Variants in CNTN5 observed in about 807,000 individuals in gnomAD.
The protein encoded by CNTN5 is contactin-5.
Under a neutral mutation model 129.1 loss-of-function variants are expected in CNTN5, and 77 were observed. The observed-to-expected ratio is 0.60, with a 90% CI of 0.50 to 0.72. CNTN5 has a LOEUF of 0.72. Among genes scored for constraint, CNTN5 ranks in the 30% least tolerant of loss-of-function variants. CNTN5 has a pLI of 0.00. For missense variants in CNTN5, 1,478 were observed against 1,328.8 expected (o/e 1.11, Z -1.75); for synonymous variants, 509 against 465.6 (o/e 1.09, Z -1.20).
chr11:99,374,558 C>T (rs925632639), intron 2 of CNTN5, among the ~76,000 whole-genome samples: 7 of 152,134 alleles, frequency 4.6e-5, no homozygotes, highest in African/African-American at 1.4e-4. Flanking sequence ...GTGGCAGGTG[C>T]CTGTAGTCCC....
Position 99,830,416 on chromosome 11 carries a change from A to G in CNTN5, c.277+10651A>G, listed in dbSNP as rs558875374. The stretch of plus-strand genomic sequence containing the variant: ...TACTTTTGGCTAAATTTTATCATGA[A>G]CATGATTTATTAACAGATTTGACTT... On this transcript the variant is annotated intron_variant, in intron 4 of 24. Transcript: ENST00000524871. 3.4e-3 allele frequency among the ~76,000 whole-genome samples: 516 copies of G among 152,244 alleles called. 2 individuals are homozygous for G. Among genetic ancestry groups the G allele is most frequent in the Non-Finnish European group, 6.2e-3 (421 of 68,008 alleles).
chr11:99,617,734 A>G (rs1950805415), intron 3 of CNTN5, among the ~76,000 whole-genome samples: 1 of 152,178 alleles, frequency 6.6e-6, no homozygotes, highest in Non-Finnish European at 1.5e-5. Flanking sequence ...AGACAAACCA[A>G]AAGGAAGTAT....
chr11:100,265,745 G>A (rs988912840), intron 17 of CNTN5, among the ~76,000 whole-genome samples: 2 of 152,060 alleles, frequency 1.3e-5, no homozygotes, highest in Admixed American at 6.6e-5. Context: ...ACCGCCTCCT[G>A]CAAATGAGAC....
At chr11:99,967,551 A>C (rs575260119) in intron 8 of CNTN5, among the ~76,000 whole-genome samples, 1 of 152,136 alleles carries the variant, frequency 6.6e-6, no homozygotes, top group Non-Finnish European at 1.5e-5. Context: ...CAAGCTCACT[A>C]TTATTGCACT....
In CNTN5 at chr11:99,422,516, TTTTATATATATATATATATATATATATA is replaced by T. The variant is rs1306756079; in HGVS notation, c.-71+97034_-71+97061del. 2.3e-3 allele frequency among the ~76,000 whole-genome samples: 234 copies of T among 100,418 alleles called. 3 individuals carry two copies. Among genetic ancestry groups the T allele is most frequent in the South Asian group, 7.2e-3 (22 of 3,048 alleles). The allele number at this position is 100,418 out of a possible 152,430, so 65.9% of individuals were successfully genotyped here. A position where few individuals can be genotyped will look rare whatever the true frequency, so the allele number is the denominator to read the frequency against. Reference sequence around the variant, plus strand: ...AAAAGCGATTCATGTTACTTTATATTTTTATATATATATATATATATATATATATATATATATATATATATCTGTATTT... The same window carrying T: ...AAAAGCGATTCATGTTACTTTATATTTATATATATATATATATCTGTATTT... On this transcript the variant is annotated intron_variant, in intron 2 of 24. Transcript: ENST00000524871.
Position 100,098,420 on chromosome 11 carries a change from C to A in CNTN5, c.1580+24126C>A, listed in dbSNP as rs115486877. Among the ~76,000 whole-genome samples the A allele has an allele frequency of 1.4e-3, 208 of 151,914 alleles. 2 individuals are homozygous for A. Among genetic ancestry groups the A allele is most frequent in the African/African-American group, 4.9e-3 (202 of 41,438 alleles). On this transcript the variant is annotated intron_variant, in intron 13 of 24. Transcript: ENST00000524871. The stretch of plus-strand genomic sequence containing the variant: ...TATGATAATTTCAATAATAAGAAAG[C>A]CCTCTTTTGACTAGGATTTTCTTAT...
intron 1 of CNTN5, among the ~76,000 whole-genome samples, chr11:99,204,363 T>C (rs1859365934): frequency 6.6e-6 from 1 of 152,186 alleles, no homozygotes; most frequent in South Asian, 2.1e-4. Context: ...TGATACTGTT[T>C]TTTGCATACG....
chr11:100,204,294 ACT>A (rs1948858008), intron 15 of CNTN5, among the ~76,000 whole-genome samples: 1 of 84,646 alleles, frequency 1.2e-5, no homozygotes, highest in Non-Finnish European at 2.4e-5. Flanking sequence ...ACAAACATTG[ACT>A]AATATATATA....
intron 2 of CNTN5, among the ~76,000 whole-genome samples, chr11:99,495,732 G>A (rs1463654018): frequency 2.6e-5 from 4 of 152,118 alleles, no homozygotes; most frequent in African/African-American, 4.8e-5. Flanking sequence ...AATAAATTAC[G>A]GAAGGGGGAG....
chr11:99,325,934 G>A (rs1247664488), intron 2 of CNTN5, among the ~76,000 whole-genome samples: 3 of 152,158 alleles, frequency 2.0e-5, no homozygotes, highest in South Asian at 4.1e-4. Flanking sequence ...AGTTAAATAA[G>A]CAGGAAGTCA....
intron 9 of CNTN5, among the ~76,000 whole-genome samples, chr11:100,043,697 G>A (rs1942495766): frequency 6.6e-6 from 1 of 151,982 alleles, no homozygotes; most frequent in Non-Finnish European, 1.5e-5. Flanking sequence ...TGCAAAAATT[G>A]CCTTCATCCT....
chr11:100,309,990 C>T (rs1951439017), intron 21 of CNTN5, among the ~76,000 whole-genome samples: 1 of 151,882 alleles, frequency 6.6e-6, no homozygotes, highest in Non-Finnish European at 1.5e-5. Flanking sequence ...GTTTATGATA[C>T]AGAGCCTTGC....
chr11:100,277,895 G>T (rs1313502976), intron 18 of CNTN5, among the ~76,000 whole-genome samples: 1 of 152,042 alleles, frequency 6.6e-6, no homozygotes, highest in Non-Finnish European at 1.5e-5. Flanking sequence ...CTACTCCGTT[G>T]TCTTGCACAG....
intron 1 of CNTN5, among the ~76,000 whole-genome samples, chr11:99,276,976 A>G (rs1270571844): frequency 6.6e-6 from 1 of 151,650 alleles, no homozygotes; most frequent in Non-Finnish European, 1.5e-5. Context: ...ATGTGATATA[A>G]ACTTTAAAAA....
At chr11:100,237,368 A>G (rs564347324) in intron 16 of CNTN5, among the ~76,000 whole-genome samples, 1 of 152,162 alleles carries the variant, frequency 6.6e-6, no homozygotes, top group Non-Finnish European at 1.5e-5. Flanking sequence ...CAAAATACTA[A>G]ATTCTTAATT....
intron 3 of CNTN5, among the ~76,000 whole-genome samples, chr11:99,805,894 G>C (rs942478764): frequency 6.6e-5 from 10 of 152,184 alleles, no homozygotes; most frequent in African/African-American, 1.7e-4. Context: ...ATTAAAAATT[G>C]TAACCACAGT....
At chr11:100,156,696 A>T (rs1383410252) in intron 13 of CNTN5, among the ~76,000 whole-genome samples, 2 of 151,986 alleles carry the variant, frequency 1.3e-5, no homozygotes, top group Admixed American at 6.6e-5. Flanking sequence ...CAGGGATTCA[A>T]CTTCTTCCTG....
At chr11:99,525,407 TA>T (rs1419847992) in intron 2 of CNTN5, among the ~76,000 whole-genome samples, 1 of 152,230 alleles carries the variant, frequency 6.6e-6, no homozygotes, top group Non-Finnish European at 1.5e-5. Flanking sequence ...TCACTATTCC[TA>T]AAGTACTTCT....
intron 1 of CNTN5, among the ~76,000 whole-genome samples, chr11:99,201,642 A>G (rs746486707): frequency 2.6e-5 from 4 of 152,146 alleles, no homozygotes; most frequent in Non-Finnish European, 5.9e-5. Context: ...GCACACTGGA[A>G]TTAGGTGGGT....
Sources: gnomAD v4.1 joint callset for allele counts (sites outside exome capture counted in the v4.1 genomes callset) on GRCh38, gnomAD v4.1.1 for gene constraint, MANE v1.5 for transcripts, NCBI Gene and HGNC (gene_info 2026-07-23, HGNC 2026-07-21) for gene names.